Variants in PREP observed in about 807,000 individuals in gnomAD.
PREP encodes prolyl endopeptidase.
In PREP, 29 loss-of-function variants were observed where a neutral mutation model predicts 87.6. The ratio of observed to expected loss-of-function variants is 0.33; its 90% CI spans 0.25 to 0.45. PREP has a LOEUF of 0.45. Ranked by LOEUF, PREP falls within the 20% of genes least tolerant of loss-of-function variation. PREP has a pLI of 1.00. For synonymous variants in PREP, 337 were observed against 328.6 expected, an observed-to-expected ratio of 1.03 and a Z score of -0.28; for missense variants, 695 against 886.5, an observed-to-expected ratio of 0.78 and a Z score of 2.74.
At chr6:105,287,907 A>G (rs1349707614) in intron 11 of PREP, among the ~76,000 whole-genome samples, 1 of 152,256 alleles carries the variant, frequency 6.6e-6, no homozygotes, top group East Asian at 1.9e-4. Flanking sequence ...TAGCAAACAT[A>G]TAAATGTAGA....
intron 2 of PREP, among the ~76,000 whole-genome samples, chr6:105,391,254 C>T (rs900170440): frequency 2.0e-4 from 31 of 151,928 alleles, no homozygotes; most frequent in African/African-American, 5.8e-4. Flanking sequence ...TCGTGGTGGG[C>T]GCCTGTAATT....
intron 7 of PREP, among the ~76,000 whole-genome samples, chr6:105,343,855 A>G (rs910946658): frequency 6.6e-6 from 1 of 152,238 alleles, no homozygotes; most frequent in African/African-American, 2.4e-5. Flanking sequence ...GGTGATCATT[A>G]AAAAGTCAGG....
intron 5 of PREP, among the ~76,000 whole-genome samples, chr6:105,372,799 C>T (rs922350204): frequency 6.6e-6 from 1 of 152,208 alleles, no homozygotes; most frequent in African/African-American, 2.4e-5. Flanking sequence ...GGAGATATAA[C>T]ACATCTATAA....
chr6:105,375,505 C>T (rs903287135), intron 4 of PREP, among the ~76,000 whole-genome samples: 11 of 152,178 alleles, frequency 7.2e-5, no homozygotes, highest in African/African-American at 1.4e-4. Flanking sequence ...CTATGGCCTA[C>T]GGAGGAGGTT....
At position 105,333,475 on chromosome 6, in the gene PREP, T is replaced by G. The variant is rs763962416; in HGVS notation, c.854A>C (p.Asn285Thr). The change falls in exon 8 of 15, where the codon AAC (asparagine) becomes ACC (threonine). Residue 285 changes from asparagine (N) to threonine (T), a missense_variant. This residue lies in a region of PREP where 517 missense variants were observed against 620.3 expected (regional missense o/e 0.83). Transcript: ENST00000652536. ...GILKWVKLID[N>T]FEGEYDYVTN... ...CACGTAGTCATATTCCCCTTCAAAG[T>G]TGTCAATCAGTTTTACCCACTTCAG... The G allele has an allele frequency of 6.2e-7, 1 of 1,614,054 alleles. No individual in the cohort carries two copies. The highest frequency in any genetic ancestry group is 8.5e-7 in the Non-Finnish European group (1 of 1,180,024).
At chr6:105,291,634 G>T (rs1583038167) in intron 10 of PREP, among the ~76,000 whole-genome samples, 1 of 152,112 alleles carries the variant, frequency 6.6e-6, no homozygotes, top group South Asian at 2.1e-4. Context: ...TCAGTTTTGG[G>T]ACTTGGACTG....
chr6:105,318,638 T>A (rs1296907856), intron 10 of PREP, among the ~76,000 whole-genome samples: 1 of 152,108 alleles, frequency 6.6e-6, no homozygotes, highest in East Asian at 1.9e-4. Context: ...AAGCGTAATA[T>A]CAGAAATAAC....
intron 10 of PREP, among the ~76,000 whole-genome samples, chr6:105,307,688 C>T (rs1770683232): frequency 6.6e-6 from 1 of 152,110 alleles, no homozygotes; most frequent in Non-Finnish European, 1.5e-5. Flanking sequence ...GCTCGGCTTA[C>T]CGCAACCTCC....
intron 2 of PREP, among the ~76,000 whole-genome samples, chr6:105,388,029 A>G (rs1218089171): frequency 6.6e-6 from 1 of 152,088 alleles, no homozygotes; most frequent in Non-Finnish European, 1.5e-5. Flanking sequence ...CATATGGAGA[A>G]AAGAGAGAGA....
intron 7 of PREP, among the ~76,000 whole-genome samples, chr6:105,336,685 C>T (rs1023206250): frequency 6.6e-6 from 1 of 152,204 alleles, no homozygotes; most frequent in Admixed American, 6.5e-5. Flanking sequence ...TTCACTTTCT[C>T]ATTAGCTATG....
chr6:105,282,676 T>C (rs967563871), intron 12 of PREP, 94 bp from the exon 13 acceptor site: 40 of 1,411,050 alleles, frequency 2.8e-5, no homozygotes, highest in Non-Finnish European at 3.5e-5. Flanking sequence ...CGGTTTCAAA[T>C]ACTGATTAAC....
intron 12 of PREP, among the ~76,000 whole-genome samples, chr6:105,283,606 G>A (rs1770126226): frequency 6.6e-6 from 1 of 151,998 alleles, no homozygotes; most frequent in South Asian, 2.1e-4. Flanking sequence ...CAATATTTTG[G>A]GTATATGACT....
rs755545492 is a variant in PREP at position 105,333,435 on chromosome 6, C to T, written c.894G>A (p.Thr298=). The T allele has an allele frequency of 3.0e-5, 49 of 1,613,984 alleles. No homozygotes were observed. The highest frequency in any genetic ancestry group is 3.4e-5 in the Non-Finnish European group (40 of 1,180,002). ...GEYDYVTNEG[T]VFTFKTNRQS... ...GGCGATTCGTCTTGAATGTGAACAC[C>T]GTCCCCTCATTGGTCACGTAGTCAT... The change falls in exon 8 of 15, where the codon ACG becomes ACA. Residue 298 remains threonine, a synonymous_variant. Transcript: ENST00000652536.
intron 10 of PREP, among the ~76,000 whole-genome samples, chr6:105,291,046 CTAGACTG>C (rs1770287075): frequency 6.6e-6 from 1 of 152,138 alleles, no homozygotes; most frequent in Non-Finnish European, 1.5e-5. Flanking sequence ...TATGATTACA[CTAGACTG>C]TAGTCTATTA....
intron 7 of PREP, among the ~76,000 whole-genome samples, chr6:105,338,997 G>A (rs1209927376): frequency 6.6e-6 from 1 of 152,244 alleles, no homozygotes; most frequent in Non-Finnish European, 1.5e-5. Context: ...AACTTCTGCA[G>A]ACTTAAACAT....
chr6:105,402,104 A>G (rs1361991873), intron 1 of PREP, among the ~76,000 whole-genome samples: 1 of 151,936 alleles, frequency 6.6e-6, no homozygotes, highest in African/African-American at 2.4e-5. Context: ...ATGGTGGTCA[A>G]CTCCGCCACT....
At chr6:105,283,847 T>C (rs1770131277) in intron 12 of PREP, among the ~76,000 whole-genome samples, 1 of 152,130 alleles carries the variant, frequency 6.6e-6, no homozygotes, top group East Asian at 1.9e-4. Flanking sequence ...TTCTAACTAA[T>C]AAAAAATGAG....
chr6:105,280,325 A>G (rs2114609451), intron 14 of PREP, among the ~76,000 whole-genome samples: 1 of 152,312 alleles, frequency 6.6e-6, no homozygotes, highest in South Asian at 2.1e-4. Context: ...TTTAGAAACT[A>G]AAGTTATTTT....
At chr6:105,279,381 A>C (rs2114608514) in intron 14 of PREP, among the ~76,000 whole-genome samples, 1 of 152,282 alleles carries the variant, frequency 6.6e-6, no homozygotes, top group African/African-American at 2.4e-5. Flanking sequence ...CTCATTTAAG[A>C]GTGTCTTTTG....
Sources: gnomAD v4.1 joint callset for allele counts (sites outside exome capture counted in the v4.1 genomes callset) on GRCh38, gnomAD v4.1.1 for gene constraint, gnomAD v4.1.1 regional missense constraint, MANE v1.5 for transcripts, NCBI Gene and HGNC (gene_info 2026-07-23, HGNC 2026-07-21) for gene names.